MED13: variants seen among roughly 807,000 people sequenced by gnomAD.
MED13 encodes the protein mediator of RNA polymerase II transcription subunit 13.
A neutral mutation model predicts 225.2 loss-of-function variants in MED13; 23 were observed. That is an observed-to-expected ratio of 0.10 (90% confidence interval 0.07 to 0.14). MED13 has a LOEUF of 0.14. Among genes scored for constraint, MED13 ranks in the 10% least tolerant of loss-of-function variants. The pLI, the probability that MED13 is intolerant of heterozygous loss-of-function variation, is 1.00. For synonymous variants in MED13, 942 were observed against 889.2 expected (o/e 1.06, Z -1.06); for missense variants, 2,197 against 2,594.5 (o/e 0.85, Z 3.33).
Position 61,972,718 on chromosome 17 carries a change from A to G in MED13, c.3967+9T>C, listed in dbSNP as rs1315140032. Reference sequence around the variant, plus strand: ...AATTAGTCATTATATATCACTATAAATTACTTACCATAAGAGCCTCGGCCA... The same window carrying G: ...AATTAGTCATTATATATCACTATAAGTTACTTACCATAAGAGCCTCGGCCA... On this transcript the variant is annotated intron_variant, in intron 17 of 29. Transcript: ENST00000397786. 6.3e-7 allele frequency: 1 copy of G among 1,598,146 alleles called. No homozygotes were observed. Among genetic ancestry groups the G allele is most frequent in the South Asian group, 1.1e-5 (1 of 88,078 alleles).
At chr17:62,036,736 T>C (rs1391209125) in intron 3 of MED13, 1 of 152,200 alleles carries the variant, frequency 6.6e-6, no homozygotes, top group African/African-American at 2.4e-5. Context: ...AATTTCTGTA[T>C]CTTATACATA....
chr17:62,009,477 A>T (rs2080485790), intron 9 of MED13, among the ~76,000 whole-genome samples: 1 of 152,240 alleles, frequency 6.6e-6, no homozygotes, highest in African/African-American at 2.4e-5. Context: ...ATTTTAAATG[A>T]TGCTCAATCT....
chr17:62,032,864 T>C (rs1042970833), intron 5 of MED13, among the ~76,000 whole-genome samples: 3 of 152,152 alleles, frequency 2.0e-5, no homozygotes, highest in African/African-American at 7.2e-5. Context: ...ATCTGACCCT[T>C]TTAGGCTGGG....
intron 2 of MED13, among the ~76,000 whole-genome samples, chr17:62,054,305 A>G (rs1212104272): frequency 1.3e-5 from 2 of 152,140 alleles, no homozygotes; most frequent in African/African-American, 4.8e-5. Flanking sequence ...TCTCCAAAAA[A>G]ACAAACAAAC....
intron 11 of MED13, among the ~76,000 whole-genome samples, chr17:61,988,424 T>C (rs1282190125): frequency 1.3e-5 from 2 of 152,244 alleles, no homozygotes; most frequent in African/African-American, 2.4e-5. Flanking sequence ...CATTCTCTGT[T>C]AACTGACTTG....
intron 8 of MED13, among the ~76,000 whole-genome samples, chr17:62,015,929 T>C (rs1207758252): frequency 1.3e-3 from 9 of 6,918 alleles, no homozygotes; most frequent in Admixed American, 9.3e-3. Flanking sequence ...TATATATATA[T>C]ATATATATAT....
At chr17:62,057,890 T>C (rs1420283914) in intron 2 of MED13, among the ~76,000 whole-genome samples, 2 of 152,230 alleles carry the variant, frequency 1.3e-5, no homozygotes, top group African/African-American at 4.8e-5. Context: ...TGCTATGATT[T>C]TTTTAAGATG....
At position 62,048,045 on chromosome 17, in the gene MED13, T is replaced by TATACATATACATATAC. The variant is rs200841910; in HGVS notation, c.470+4491_470+4492insGTATATGTATATGTAT. Among the ~76,000 whole-genome samples the TATACATATACATATAC allele has an allele frequency of 5.6e-3, 739 of 131,770 alleles. 7 individuals carry two copies. Among genetic ancestry groups the TATACATATACATATAC allele is most frequent in the South Asian group, 0.028 (120 of 4,222 alleles). 86.4% of individuals were successfully genotyped at this position (131,770 alleles called of 152,430 possible). On this transcript the variant is annotated intron_variant, in intron 3 of 29. Transcript: ENST00000397786. ...ATATACATATACATATACATATACA[T>TATACATATACATATAC]ATATATATATATATATATGTATATA... is the stretch of plus-strand genomic sequence containing the variant.
At chr17:62,028,388 A>C (rs970660427) in intron 8 of MED13, among the ~76,000 whole-genome samples, 12 of 152,112 alleles carry the variant, frequency 7.9e-5, no homozygotes, top group Non-Finnish European at 1.8e-4. Flanking sequence ...ACTGGGGTCT[A>C]CTTGAGGGTG....
At chr17:61,948,932 C>A (rs1603389633) in intron 28 of MED13, among the ~76,000 whole-genome samples, 1 of 151,058 alleles carries the variant, frequency 6.6e-6, no homozygotes, top group African/African-American at 2.4e-5. Context: ...TAAAAAAATA[C>A]AAAAAATTAG....
chr17:61,999,292 C>T (rs941647933), intron 9 of MED13, among the ~76,000 whole-genome samples: 1 of 152,116 alleles, frequency 6.6e-6, no homozygotes, highest in Non-Finnish European at 1.5e-5. Flanking sequence ...GAACTATGCT[C>T]AAATACAGTT....
At position 61,955,938 on chromosome 17, in the gene MED13, AAT is replaced by A. The variant is rs1229201134; in HGVS notation, c.5624-102_5624-101del. On this transcript the variant is annotated intron_variant, in intron 24 of 29. Coordinates refer to ENST00000397786, the MANE Select transcript of MED13 (RefSeq NM_005121.3). ...AACCAAGTTAAAGTTAAAATATAAA[AAT>A]AGTTAATGGCTTTTAAATTAGTGTA... 7.3e-6 allele frequency: 10 copies of A among 1,374,508 alleles called. No homozygotes were observed. In the Admixed American group the frequency reaches 1.0e-4, roughly 14 times the overall value. The allele number at this position is 1,374,508 out of a possible 1,614,324, so 85.1% of individuals were successfully genotyped here.
intron 16 of MED13, among the ~76,000 whole-genome samples, chr17:61,977,090 C>G (rs549086100): frequency 6.6e-6 from 1 of 152,126 alleles, no homozygotes; most frequent in Non-Finnish European, 1.5e-5. Flanking sequence ...CTACTGTGTT[C>G]ATTATTCTAG....
At position 61,995,268 on chromosome 17, in the gene MED13, C is replaced by T. The variant is rs747291048; in HGVS notation, c.2065G>A (p.Ala689Thr). Reference sequence around the variant, plus strand: ...GGATCAATTTTAGGTTCTTGTTCTGCATCAGATGCTATTGCTGAAAGACAC... The same window carrying T: ...GGATCAATTTTAGGTTCTTGTTCTGTATCAGATGCTATTGCTGAAAGACAC... ...NQCLSAIASD[A>T]EQEPKIDPYA... Residue 689 changes from alanine to threonine, a missense_variant, in exon 10 of 30, where the codon GCA (alanine) becomes ACA (threonine). Ala to Thr is a moderately conservative substitution (Grantham distance 58). This residue lies in a region of MED13 where 884 missense variants were observed against 918.5 expected (regional missense o/e 0.96). Coordinates refer to ENST00000397786, the MANE Select transcript of MED13 (RefSeq NM_005121.3). 6.2e-7 allele frequency: 1 copy of T among 1,613,714 alleles called. No individual in the cohort carries two copies. Among genetic ancestry groups the T allele is most frequent in the Admixed American group, 1.7e-5 (1 of 60,008 alleles).
intron 11 of MED13, among the ~76,000 whole-genome samples, chr17:61,989,462 C>T (rs1217143514): frequency 1.3e-5 from 2 of 152,136 alleles, no homozygotes; most frequent in Admixed American, 6.5e-5. Flanking sequence ...CCTCAGCCTC[C>T]CAAATAGATG....
At chr17:62,018,950 G>A (rs559055824) in intron 8 of MED13, among the ~76,000 whole-genome samples, 89 of 151,742 alleles carry the variant, frequency 5.9e-4, no homozygotes, top group African/African-American at 2.0e-3. Flanking sequence ...TTACAAAATC[G>A]AAAGATCCAT....
intron 1 of MED13, among the ~76,000 whole-genome samples, chr17:62,064,347 T>TC (rs777781806): frequency 3.8e-4 from 58 of 152,302 alleles, no homozygotes; most frequent in Non-Finnish European, 6.0e-4. Flanking sequence ...ACAATGATCA[T>TC]CCCTACATCC....
chr17:61,966,634 T>A lies in MED13; in HGVS notation c.4209A>T (p.Gln1403His), dbSNP rs560208198. 6.2e-6 allele frequency: 10 copies of A among 1,605,560 alleles called. No homozygotes were observed. In the East Asian group the frequency reaches 2.0e-4, roughly 32 times the overall value. The change falls in exon 19 of 30, where the codon CAA becomes CAT. Residue 1403 changes from glutamine (Q) to histidine (H), a missense_variant. By Grantham distance (24) the Gln-to-His change is conservative (BLOSUM62 0). This residue lies in a region of MED13 where 457 missense variants were observed against 442.2 expected (regional missense o/e 1.03). Transcript: ENST00000397786. ...TTAACAGTCGAGAAACAGGTCTATGTTGACCTAATCGACAGGACTACAAAT... is the reference window on the plus strand; with the variant it reads ...TTAACAGTCGAGAAACAGGTCTATGATGACCTAATCGACAGGACTACAAAT... ...TAIYESCRLG[Q>H]HRPVSRLLTD...
Position 61,965,015 on chromosome 17 carries a change from A to T in MED13, c.4835T>A (p.Val1612Glu). The T allele has an allele frequency of 1.2e-6, 2 of 1,613,468 alleles. No individual in the cohort carries two copies. The highest frequency in any genetic ancestry group is 1.7e-6 in the Non-Finnish European group (2 of 1,179,518). Residue 1612 changes from valine to glutamate, a missense_variant, in exon 20 of 30, where the codon GTG (valine) becomes GAG (glutamate). Physicochemically the swap from Val to Glu is moderately radical, Grantham distance 121 (BLOSUM62 -2). This residue lies in a region of MED13 where 457 missense variants were observed against 442.2 expected (regional missense o/e 1.03). Coordinates refer to ENST00000397786, the MANE Select transcript of MED13 (RefSeq NM_005121.3). ...SSLPTQPHPD[V>E]SESTMDRDKV... ...GTATTTTTAAAGGTACCTTTCAGAC[A>T]CATCAGGATGCGGCTGAGTGGGAAG...
Sources: allele counts gnomAD v4.1 joint callset (sites outside exome capture counted in the v4.1 genomes callset), GRCh38; gene constraint gnomAD v4.1.1; regional missense constraint gnomAD v4.1.1; transcripts MANE v1.5; gene names NCBI Gene and HGNC (gene_info 2026-07-23, HGNC 2026-07-21).